Variants in ZNF641 observed in about 807,000 individuals in gnomAD.
The protein encoded by ZNF641 is zinc finger protein 641.
A neutral mutation model predicts 46.2 loss-of-function variants in ZNF641; 26 were observed. The observed-to-expected ratio is 0.56, with a 90% confidence interval of 0.41 to 0.78. The LOEUF is 0.78. Among genes scored for constraint, ZNF641 ranks in the 30% least tolerant of loss-of-function variants. The pLI is 0.00. For synonymous variants in ZNF641, 163 were observed against 187.9 expected (o/e 0.87, Z 1.09); for missense variants, 469 against 517.8 (o/e 0.91, Z 0.91).
Position 48,342,111 on chromosome 12 carries a change from A to T in ZNF641, c.*862T>A, listed in dbSNP as rs1387843946. 1.0e-6 allele frequency: 1 copy of T among 985,318 alleles called. No homozygotes were observed. The highest frequency in any genetic ancestry group is 6.1e-5 in the Admixed American group (1 of 16,264). 61.0% of individuals were successfully genotyped at this position (985,318 alleles called of 1,614,324 possible). On this transcript the variant is annotated 3_prime_UTR_variant, in exon 6 of 6. Transcript: ENST00000547026. ...GAGAGGGGACTGTTCAAGGGGATAAAGTTTTTTTTGTTTTTCTGTTTTTCT... is the reference window on the plus strand; with the variant it reads ...GAGAGGGGACTGTTCAAGGGGATAATGTTTTTTTTGTTTTTCTGTTTTTCT...
chr12:48,341,870 A>G lies in ZNF641; in HGVS notation c.*1103T>C, dbSNP rs2136172456. The G allele has an allele frequency of 1.0e-6, 1 of 985,454 alleles. No individual in the cohort carries two copies. Among genetic ancestry groups the G allele is most frequent in the Admixed American group, 6.1e-5 (1 of 16,284 alleles). The allele number at this position is 985,454 out of a possible 1,614,324, so 61.0% of individuals were successfully genotyped here. Reference sequence around the variant, plus strand: ...CTCAGCAGTACTGGGAAAGCTTTGTACTCAACTTAACCTGTCATTTAACCC... The same window carrying G: ...CTCAGCAGTACTGGGAAAGCTTTGTGCTCAACTTAACCTGTCATTTAACCC... On this transcript the variant is annotated 3_prime_UTR_variant, in exon 6 of 6. Coordinates refer to ENST00000547026, the MANE Select transcript of ZNF641 (RefSeq NM_001172681.2).
chr12:48,344,739 T>G (rs1952818726), intron 4 of ZNF641, 27 bp from the exon 5 acceptor site: 1 of 1,349,986 alleles, frequency 7.4e-7, no homozygotes, highest in Admixed American at 1.9e-5. Flanking sequence ...AAAATAGAGC[T>G]GTCAATTAGT....
chr12:48,344,533 C>T (rs139421574), intron 5 of ZNF641, 66 bp downstream of exon 5: 55 of 1,085,448 alleles, frequency 5.1e-5, no homozygotes, highest in Middle Eastern at 4.1e-4. Context: ...AGGGATTAAA[C>T]GAACATGGAA....
chr12:48,347,107 T>G, intron 3 of ZNF641, 145 bp downstream of exon 3: 1 of 1,443,280 alleles, frequency 6.9e-7, no homozygotes, highest in Non-Finnish European at 9.2e-7. Context: ...TTATGACCCC[T>G]TGGAAAGGGA....
chr12:48,335,390 G>A (rs568876985), downstream of ZNF641, among the ~76,000 whole-genome samples: 3 of 152,264 alleles, frequency 2.0e-5, no homozygotes, highest in East Asian at 5.8e-4. Context: ...TCTAAGGTAG[G>A]ATGGGAATGA....
rs1477820093 is a variant in ZNF641, at chr12:48,348,122, C to A, written c.-25-7G>T. 65 of 1,613,698 alleles carry A rather than the reference C, an allele frequency of 4.0e-5. No individual in the cohort carries two copies. Among genetic ancestry groups the A allele is most frequent in the Non-Finnish European group, 5.3e-5 (62 of 1,179,980 alleles). On this transcript the variant is annotated splice_region_variant and splice_polypyrimidine_tract_variant and intron_variant, in intron 1 of 5. Coordinates refer to ENST00000547026, the MANE Select transcript of ZNF641 (RefSeq NM_001172681.2). ...TGCAGACCCAAATTGTGACCTGGAA[C>A]AAATTCATATCAGCAATGCCCATGA... is the stretch of plus-strand genomic sequence containing the variant.
At position 48,350,874 on chromosome 12, in the gene ZNF641, G is replaced by A; in HGVS notation, c.-114C>T. On this transcript the variant is annotated 5_prime_UTR_variant, in exon 1 of 6. Coordinates refer to ENST00000547026, the MANE Select transcript of ZNF641 (RefSeq NM_001172681.2). ...GCCCTCCGCTTGCGTCTGGGAGCCG[G>A]CGGCCGGCGGAGCCAGCGACAGGCG... The A allele has an allele frequency of 1.0e-6, 1 of 985,094 alleles. No homozygotes were observed. The highest frequency in any genetic ancestry group is 1.2e-6 in the Non-Finnish European group (1 of 829,772). The allele number at this position is 985,094 out of a possible 1,614,324, so 61.0% of individuals were successfully genotyped here.
At chr12:48,349,931 T>G (rs1952980076) in intron 1 of ZNF641, 14 of 1,280,240 alleles carry the variant, frequency 1.1e-5, no homozygotes, top group Non-Finnish European at 1.4e-5. Context: ...CAGAGTCTCT[T>G]AATGGGAAGC....
downstream of ZNF641, chr12:48,337,038 G>A (rs1444740353): frequency 6.6e-6 from 1 of 152,274 alleles, no homozygotes; most frequent in African/African-American, 2.4e-5. Context: ...TGCTTCTGGA[G>A]GCTTATGTTT....
At chr12:48,334,637 A>G (rs1344599795), downstream of ZNF641, among the ~76,000 whole-genome samples, 2 of 152,130 alleles carry the variant, frequency 1.3e-5, no homozygotes, top group East Asian at 3.9e-4. Flanking sequence ...GAGTGGAAGA[A>G]TGCCTCTGAA....
In ZNF641 at chr12:48,341,189, A is replaced by C. The variant is rs1051346625; in HGVS notation, c.*1784T>G. On this transcript the variant is annotated 3_prime_UTR_variant, in exon 6 of 6. Transcript: ENST00000547026. ...TGCAAAAGGCACAGTCGCTAAACTA[A>C]ATTGGTGCAATTCACTTCCTCTTGC... is the stretch of plus-strand genomic sequence containing the variant. 2.0e-6 allele frequency: 2 copies of C among 985,448 alleles called. No individual in the cohort carries two copies. Among genetic ancestry groups the C allele is most frequent in the Non-Finnish European group, 2.4e-6 (2 of 829,930 alleles). The allele number at this position is 985,448 out of a possible 1,614,324, so 61.0% of individuals were successfully genotyped here. A position where few individuals can be genotyped will look rare whatever the true frequency, so the allele number is the denominator to read the frequency against.
In ZNF641 at chr12:48,343,205, C is replaced by T; in HGVS notation, c.1043G>A (p.Arg348Gln). The T allele has an allele frequency of 1.9e-6, 3 of 1,614,196 alleles. No individual in the cohort carries two copies. Among genetic ancestry groups the T allele is most frequent in the Non-Finnish European group, 2.5e-6 (3 of 1,179,992 alleles). ...EVGESPGTRK[R>Q]QRAPPVPKCH... Reference sequence around the variant, plus strand: ...CTTTGGCACTGGTGGGGCACGCTGCCGTTTCCTTGTGCCAGGGCTCTCTCC... The same window carrying T: ...CTTTGGCACTGGTGGGGCACGCTGCTGTTTCCTTGTGCCAGGGCTCTCTCC... The change falls in exon 6 of 6, where the codon CGG becomes CAG. Residue 348 changes from arginine (R) to glutamine (Q), a missense_variant. Arg to Gln is a conservative substitution (Grantham distance 43). Transcript: ENST00000547026.
chr12:48,344,026 A>G (rs1952794772), intron 5 of ZNF641, among the ~76,000 whole-genome samples: 1 of 152,290 alleles, frequency 6.6e-6, no homozygotes, highest in Non-Finnish European at 1.5e-5. Flanking sequence ...TAAGATAGAT[A>G]GCACAGAACC....
At chr12:48,351,202 A>C (rs1267126340), upstream of ZNF641, 1 of 152,232 alleles carries the variant, frequency 6.6e-6, no homozygotes, top group Non-Finnish European at 1.5e-5. Context: ...CTCTTGCCTG[A>C]CTGACCATTT....
chr12:48,335,033 C>T (rs186319891), downstream of ZNF641, among the ~76,000 whole-genome samples: 16 of 152,124 alleles, frequency 1.1e-4, no homozygotes, highest in African/African-American at 3.4e-4. Flanking sequence ...TTGGGCGCCT[C>T]CCCCCCACCA....
chr12:48,343,730 G>T lies in ZNF641; in HGVS notation c.521-3C>A. On this transcript the variant is annotated splice_region_variant and splice_polypyrimidine_tract_variant and intron_variant, in intron 5 of 5. Coordinates refer to ENST00000547026, the MANE Select transcript of ZNF641 (RefSeq NM_001172681.2). Reference sequence around the variant, plus strand: ...CCCCTCATGTTCACTTCCATCTCCTGCGGAGAAGGGGAAATACCAACCCCA... The same window carrying T: ...CCCCTCATGTTCACTTCCATCTCCTTCGGAGAAGGGGAAATACCAACCCCA... 1 of 1,465,314 alleles carries T rather than the reference G, an allele frequency of 6.8e-7. No individual in the cohort carries two copies. Among genetic ancestry groups the T allele is most frequent in the Non-Finnish European group, 9.0e-7 (1 of 1,105,868 alleles). The allele number at this position is 1,465,314 out of a possible 1,614,324, so 90.8% of individuals were successfully genotyped here.
Position 48,347,276 on chromosome 12 carries a change from A to T in ZNF641, c.252T>A (p.Ala84=). ...EGNTGDWEMA[A]ALLAAGSQGL... ...CCTGTGATCCAGCCGCAAGAAGTGC[A>T]GCTGCCATCTCCCAGTCTCCAGTGT... The change falls in exon 3 of 6, where the codon GCT becomes GCA. Residue 84 remains alanine, a synonymous_variant. Transcript: ENST00000547026. The T allele has an allele frequency of 2.5e-6, 4 of 1,614,000 alleles. No individual in the cohort carries two copies. Among genetic ancestry groups the T allele is most frequent in the Non-Finnish European group, 3.4e-6 (4 of 1,179,874 alleles).
At chr12:48,347,461 A>G in intron 2 of ZNF641, 118 bp from the exon 3 acceptor site, 1 of 833,192 alleles carries the variant, frequency 1.2e-6, no homozygotes, top group African/African-American at 1.7e-5. Flanking sequence ...CCCATTGGTA[A>G]AACTCAAATG....
chr12:48,340,146 T>A lies in ZNF641; in HGVS notation c.*2827A>T. The A allele has an allele frequency of 1.0e-6, 1 of 985,488 alleles. No individual in the cohort carries two copies. Among genetic ancestry groups the A allele is most frequent in the Non-Finnish European group, 1.2e-6 (1 of 829,936 alleles). 61.0% of individuals were successfully genotyped at this position (985,488 alleles called of 1,614,324 possible). On this transcript the variant is annotated 3_prime_UTR_variant, in exon 6 of 6. Transcript: ENST00000547026. ...CTCATCTGATGGCTGTTGCTTGTTT[T>A]ATTTTTTGTCCAAGAGAGGTGGTGT...
Sources: allele counts gnomAD v4.1 joint callset (sites outside exome capture counted in the v4.1 genomes callset), GRCh38; gene constraint gnomAD v4.1.1; transcripts MANE v1.5; gene names NCBI Gene and HGNC (gene_info 2026-07-23, HGNC 2026-07-21).